The following PLCB2 variants were observed in gnomAD, a reference collection of about 807,000 sequenced individuals.
The protein encoded by PLCB2 is 1-phosphatidylinositol 4,5-bisphosphate phosphodiesterase beta-2.
In PLCB2, 115 loss-of-function variants were observed where a neutral mutation model predicts 141.7. That is an observed-to-expected ratio of 0.81 (90% CI 0.70 to 0.95). The LOEUF is 0.95. PLCB2 is among the 40% of genes least tolerant of loss of function. The probability of loss-of-function intolerance (pLI) is 0.00; values close to 1 mark genes in which losing one functional copy is unlikely to be tolerated. For synonymous variants in PLCB2, 603 were observed against 595.6 expected (o/e 1.01, Z -0.18); for missense variants, 1,403 against 1,541.1 (o/e 0.91, Z 1.50).
chr15:40,289,391 A>T, intron 30 of PLCB2, 33 bp from the exon 31 acceptor site: 1 of 1,529,076 alleles, frequency 6.5e-7, no homozygotes, highest in Non-Finnish European at 9.1e-7. Context: ...GAATCAGGAC[A>T]ACACAGACAG....
chr15:40,292,099 C>G lies in PLCB2; in HGVS notation c.2491G>C (p.Val831Leu), dbSNP rs988707522. Residue 831 changes from valine (V) to leucine (L), a missense_variant, in exon 23 of 32, where the codon GTG becomes CTG. Transcript: ENST00000260402. ...KFFSAHDTKS[V>L]KLKEAMGGLP... ...CCTCCCATGGCCTCCTTGAGCTTCA[C>G]AGACTTCGTGTCATGGGCACTGAAG... 1.9e-6 allele frequency: 3 copies of G among 1,614,124 alleles called. No individual in the cohort carries two copies. Among genetic ancestry groups the G allele is most frequent in the Non-Finnish European group, 2.5e-6 (3 of 1,180,046 alleles).
intron 16 of PLCB2, among the ~76,000 whole-genome samples, chr15:40,295,548 A>C (rs1288394757): frequency 6.6e-6 from 1 of 152,156 alleles, no homozygotes. Context: ...CATGCCATAG[A>C]TGGGCACAGA....
intron 7 of PLCB2, chr15:40,301,338 C>T: frequency 1.7e-6 from 1 of 573,822 alleles, no homozygotes; most frequent in Admixed American, 3.1e-5. Flanking sequence ...ATTGGCCAGG[C>T]TTGAAGCCTA....
chr15:40,299,130 A>G lies in PLCB2; in HGVS notation c.681T>C (p.Ser227=), dbSNP rs770293530. The change falls in exon 8 of 32, where the codon TCT becomes TCC. Residue 227 remains serine (S), a splice_region_variant and synonymous_variant. Coordinates refer to ENST00000260402, the MANE Select transcript of PLCB2 (RefSeq NM_004573.3). ...CCAGCACAACCCAAGAAACTCACTA[A>G]GAAGTGAAGATCTCATCTATTTCTG... is the stretch of plus-strand genomic sequence containing the variant. ...PRPEIDEIFT[S]YHAKAKPYMT... The G allele has an allele frequency of 1.2e-6, 2 of 1,609,178 alleles. No individual in the cohort carries two copies. The highest frequency in any genetic ancestry group is 2.2e-5 in the South Asian group (2 of 91,008).
chr15:40,291,172 C>T lies in PLCB2; in HGVS notation c.2882G>A (p.Arg961His). The T allele has an allele frequency of 5.1e-6, 8 of 1,571,048 alleles. No homozygotes were observed. Among genetic ancestry groups the T allele is most frequent in the South Asian group, 1.1e-5 (1 of 87,032 alleles). The change falls in exon 27 of 32, where the codon CGC becomes CAC. Residue 961 changes from arginine to histidine, a missense_variant. This residue lies in a region of PLCB2 where 290 missense variants were observed against 245.9 expected (regional missense o/e 1.18). Transcript: ENST00000260402. Reference protein sequence around the residue: ...KGSRKKRSLPREESAGAAPGE... With the variant: ...KGSRKKRSLPHEESAGAAPGE... ...CGGCGCGGCTCCGGCGCTCTCCTCG[C>T]GGGGCAGGCTCCTGGGGAGGCCACG...
chr15:40,303,432 T>C (rs994964635), intron 2 of PLCB2, 76 bp from the exon 3 acceptor site: 5 of 1,020,724 alleles, frequency 4.9e-6, no homozygotes, highest in Admixed American at 1.8e-5. Flanking sequence ...GAATGAGCAA[T>C]AGGGAGAAGG....
rs2040284337 is a variant in PLCB2, at chr15:40,297,517, T to G, written c.1323+4A>C. 6.2e-7 allele frequency: 1 copy of G among 1,610,916 alleles called. No individual in the cohort carries two copies. Among genetic ancestry groups the G allele is most frequent in the Middle Eastern group, 1.6e-4 (1 of 6,080 alleles). Reference sequence around the variant, plus strand: ...TCAAATGTCCCACAGCGAAGCCCACTCACTGGGAACTTTTCCAGGGGCTCT... The same window carrying G: ...TCAAATGTCCCACAGCGAAGCCCACGCACTGGGAACTTTTCCAGGGGCTCT... On this transcript the variant is annotated splice_donor_region_variant and intron_variant, in intron 13 of 31. Coordinates refer to ENST00000260402, the MANE Select transcript of PLCB2 (RefSeq NM_004573.3). This position sits in a 1 kb window ranked among gnomAD's most constrained non-coding sequence, Gnocchi z 4.2.
At position 40,291,447 on chromosome 15, in the gene PLCB2, C is replaced by T. The variant is rs1432292050; in HGVS notation, c.2688G>A (p.Lys896=). Residue 896 remains lysine (K), a synonymous_variant, in exon 26 of 32, where the codon AAG becomes AAA. Transcript: ENST00000260402. ...TASLEELREL[K]GVVKLQRRHE... ...GCCGCCGCTGCAGCTTCACCACGCCCTTTAGCTCCCGGAGCTCCTCCAGGC... is the reference window on the plus strand; with the variant it reads ...GCCGCCGCTGCAGCTTCACCACGCCTTTTAGCTCCCGGAGCTCCTCCAGGC... The T allele has an allele frequency of 6.4e-7, 1 of 1,554,370 alleles. No homozygotes were observed.
chr15:40,302,823 G>T (rs561613671), intron 3 of PLCB2, among the ~76,000 whole-genome samples: 1 of 152,340 alleles, frequency 6.6e-6, no homozygotes, highest in South Asian at 2.1e-4. Context: ...AGCCAAGATG[G>T]CGGGCAGGCG....
chr15:40,297,788 T>G lies in PLCB2; in HGVS notation c.1238+89A>C. On this transcript the variant is annotated intron_variant, in intron 12 of 31. Transcript: ENST00000260402. The surrounding 1 kb of genome is among the most constrained non-coding windows in gnomAD (Gnocchi z 4.2). ...CGTGGGAGAAGCTGTAGGCAATGGT[T>G]AGAGGCTGGGGCAGTTGTGGGGAGG... 1 of 1,099,976 alleles carries G rather than the reference T, an allele frequency of 9.1e-7. No individual in the cohort carries two copies. Among genetic ancestry groups the G allele is most frequent in the Non-Finnish European group, 1.4e-6 (1 of 722,102 alleles). 68.1% of individuals were successfully genotyped at this position (1,099,976 alleles called of 1,614,324 possible). A position where few individuals can be genotyped will look rare whatever the true frequency, so the allele number is the denominator to read the frequency against.
At position 40,288,754 on chromosome 15, in the gene PLCB2, T is replaced by C; in HGVS notation, c.3519A>G (p.Pro1173=). Residue 1173 remains proline, a synonymous_variant, in exon 32 of 32, where the codon CCA becomes CCG. Transcript: ENST00000260402. ...CCTGGGCATCTGCCTTTGCTATGAG[T>C]GGGTCCTGCTCACACAGCTCTGGGG... ...ECPPELCEQD[P]LIAKADAQES... 1.9e-6 allele frequency: 3 copies of C among 1,608,312 alleles called. No individual in the cohort carries two copies. Among genetic ancestry groups the C allele is most frequent in the Non-Finnish European group, 2.6e-6 (3 of 1,175,362 alleles).
intron 1 of PLCB2, 152 bp downstream of exon 1, chr15:40,307,437 T>G: frequency 2.0e-6 from 1 of 497,848 alleles, no homozygotes; most frequent in South Asian, 3.1e-5. Context: ...CAGGTTTGTT[T>G]ATCCAAGCAG....
chr15:40,291,012 G>T lies in PLCB2; in HGVS notation c.3036+6C>A, dbSNP rs773998508. On this transcript the variant is annotated splice_donor_region_variant and intron_variant, in intron 27 of 31. Coordinates refer to ENST00000260402, the MANE Select transcript of PLCB2 (RefSeq NM_004573.3). ...GTGGGGTTGTCGCCCTGCCCCTCCC[G>T]GCCACCTCGGCCACGTGCTGCTCCT... 3 of 1,590,210 alleles carry T rather than the reference G, an allele frequency of 1.9e-6. No individual in the cohort carries two copies. Among genetic ancestry groups the T allele is most frequent in the Non-Finnish European group, 2.5e-6 (3 of 1,176,594 alleles).
chr15:40,302,723 A>C, intron 3 of PLCB2, 114 bp from the exon 4 acceptor site: 1 of 1,138,444 alleles, frequency 8.8e-7, no homozygotes. Flanking sequence ...GCAGAACCCC[A>C]TCCCCATCCC....
In PLCB2 at chr15:40,304,013, C is replaced by T. The variant is rs534340210; in HGVS notation, c.150G>A (p.Thr50=). Residue 50 remains threonine (T), a synonymous_variant, in exon 2 of 32, where the codon ACG becomes ACA. Coordinates refer to ENST00000260402, the MANE Select transcript of PLCB2 (RefSeq NM_004573.3). The part of the protein sequence containing the change: ...VDPKGYYLYW[T]YQSKEMEFLD... The stretch of plus-strand genomic sequence containing the variant: ...AGGGTTTTCTCACCTTACTTTGATA[C>T]GTCCAGTATAAGTAGTAGCCCTTAG... 39 of 1,589,990 alleles carry T rather than the reference C, an allele frequency of 2.5e-5. No homozygotes were observed. The highest frequency in any genetic ancestry group is 2.4e-4 in the South Asian group (21 of 87,322).
downstream of PLCB2, chr15:40,284,506 G>T (rs1360940454): frequency 2.2e-6 from 1 of 455,886 alleles, no homozygotes; most frequent in Non-Finnish European, 4.4e-6. Context: ...TTTAAAGATA[G>T]GCCTTCAAGG....
At chr15:40,296,434 A>G in intron 15 of PLCB2, 42 bp from the exon 16 acceptor site, 1 of 1,613,762 alleles carries the variant, frequency 6.2e-7, no homozygotes, top group Non-Finnish European at 8.5e-7. Context: ...AGGATGGTGC[A>G]GAGCCCAGGA....
rs1442795580 is a variant in PLCB2 at position 40,298,093 on chromosome 15, TG to T, written c.1155+129del. ...GCCGCCATTGGCCCCCAATCCCTGC[TG>T]GTCCCCAATGGTCTGAGGCCTTCCA... On this transcript the variant is annotated intron_variant, in intron 11 of 31. Coordinates refer to ENST00000260402, the MANE Select transcript of PLCB2 (RefSeq NM_004573.3). 6.7e-6 allele frequency: 8 copies of T among 1,190,960 alleles called. No homozygotes were observed. The African/African-American group carries it at 9.2e-5, about 14-fold the overall frequency. The allele number at this position is 1,190,960 out of a possible 1,614,324, so 73.8% of individuals were successfully genotyped here.
chr15:40,290,471 G>A (rs535151179), intron 29 of PLCB2, 106 bp downstream of exon 29: 18 of 845,952 alleles, frequency 2.1e-5, no homozygotes, highest in Non-Finnish European at 3.6e-5. Context: ...GGAGAGCCAG[G>A]GGACAGATGC....
Sources: gnomAD v4.1 joint callset for allele counts (sites outside exome capture counted in the v4.1 genomes callset) on GRCh38, gnomAD v4.1.1 for gene constraint, gnomAD v4.1.1 regional missense constraint, Gnocchi (gnomAD v3.1) non-coding constraint, MANE v1.5 for transcripts, NCBI Gene and HGNC (gene_info 2026-07-23, HGNC 2026-07-21) for gene names.